VIT: variants seen among roughly 807,000 people sequenced by gnomAD.
VIT encodes vitrin.
VIT carries 99 observed loss-of-function variants against 78.0 expected under a neutral mutation model. The ratio of observed to expected loss-of-function variants is 1.27; its 90% CI spans 1.08 to 1.50. The LOEUF (loss-of-function observed/expected upper bound fraction) is 1.50. Ranked by LOEUF, VIT falls within the 40% of genes most tolerant of loss-of-function variation. The pLI, the probability that VIT is intolerant of heterozygous loss-of-function variation, is 0.00. For synonymous variants in VIT, 374 were observed against 334.3 expected, an observed-to-expected ratio of 1.12 and a Z score of -1.29; for missense variants, 1,126 against 875.3, an observed-to-expected ratio of 1.29 and a Z score of -3.61.
intron 1 of VIT, among the ~76,000 whole-genome samples, chr2:36,712,836 A>G (rs1665890828): frequency 6.6e-6 from 1 of 152,278 alleles, no homozygotes; most frequent in East Asian, 1.9e-4. Flanking sequence ...CTCCGTCTCA[A>G]TCAATCAATC....
At chr2:36,801,614 C>T (rs1332414992) in intron 13 of VIT, among the ~76,000 whole-genome samples, 1 of 152,080 alleles carries the variant, frequency 6.6e-6, no homozygotes, top group Admixed American at 6.6e-5. Context: ...TCAAGATCAG[C>T]CTGGCCAGCA....
intron 2 of VIT, among the ~76,000 whole-genome samples, chr2:36,718,072 T>C (rs892573439): frequency 4.6e-5 from 7 of 152,204 alleles, no homozygotes; most frequent in Admixed American, 2.6e-4. Context: ...CTTTTTATAA[T>C]GACATCAGTC....
At chr2:36,751,009 C>G (rs959021475) in intron 4 of VIT, among the ~76,000 whole-genome samples, 1 of 152,280 alleles carries the variant, frequency 6.6e-6, no homozygotes, top group Admixed American at 6.5e-5. Context: ...CCCGTAATCC[C>G]AACACTTTGG....
chr2:36,713,219 A>G (rs2148440643), intron 1 of VIT, among the ~76,000 whole-genome samples: 1 of 152,332 alleles, frequency 6.6e-6, no homozygotes, highest in East Asian at 1.9e-4. Flanking sequence ...ACATTTAAGC[A>G]AAGATTTGAA....
intron 4 of VIT, among the ~76,000 whole-genome samples, chr2:36,746,929 T>C (rs145927708): frequency 2.1e-3 from 327 of 152,262 alleles, no homozygotes; most frequent in African/African-American, 7.5e-3. Flanking sequence ...CTTCTTGATA[T>C]AGGCATTTTG....
chr2:36,808,440 C>A (rs745672377), intron 14 of VIT, 32 bp from the exon 15 acceptor site: 1 of 1,570,404 alleles, frequency 6.4e-7, no homozygotes, highest in East Asian at 2.3e-5. Context: ...TTGACCCTGA[C>A]GTGGCGTGGG....
chr2:36,787,817 C>T (rs1455985798), intron 12 of VIT: 1 of 456,118 alleles, frequency 2.2e-6, no homozygotes, highest in Non-Finnish European at 4.4e-6. Flanking sequence ...GAAAAACTCA[C>T]CAGGCAATGG....
intron 13 of VIT, 64 bp from the exon 14 acceptor site, chr2:36,805,374 T>G: frequency 6.7e-7 from 1 of 1,502,282 alleles, no homozygotes. Context: ...TGTGCTGCTG[T>G]GATCTCTTCC....
At chr2:36,772,428 C>T (rs563681491) in intron 7 of VIT, among the ~76,000 whole-genome samples, 14 of 152,142 alleles carry the variant, frequency 9.2e-5, no homozygotes, top group Middle Eastern at 6.8e-3. Context: ...CCCAGCTACT[C>T]GGGAGGCTGA....
At chr2:36,769,174 C>G (rs1344814535) in intron 7 of VIT, among the ~76,000 whole-genome samples, 1 of 152,130 alleles carries the variant, frequency 6.6e-6, no homozygotes, top group Non-Finnish European at 1.5e-5. Context: ...ACTTCAGATG[C>G]CTTGATTCTT....
In VIT at chr2:36,717,334, A is replaced by G. The variant is rs867621863; in HGVS notation, c.52+912A>G. 5.8e-3 allele frequency among the ~76,000 whole-genome samples: 375 copies of G among 64,110 alleles called. 3 individuals are homozygous for G. The highest frequency in any genetic ancestry group is 0.017 in the African/African-American group (362 of 21,102). 42.1% of individuals were successfully genotyped at this position (64,110 alleles called of 152,430 possible). On this transcript the variant is annotated intron_variant, in intron 2 of 15. Transcript: ENST00000379242. ...AGGCTCCCACCACCACGCCTGGCTA[A>G]TGTGTGTGTGTGTGTGTGTGTGTGT...
At chr2:36,708,584 G>A (rs1203304098) in intron 1 of VIT, among the ~76,000 whole-genome samples, 1 of 152,132 alleles carries the variant, frequency 6.6e-6, no homozygotes, top group African/African-American at 2.4e-5. Flanking sequence ...TGACATTCAA[G>A]GCTGACATGG....
At chr2:36,784,461 T>C (rs1664961786) in intron 11 of VIT, among the ~76,000 whole-genome samples, 1 of 152,212 alleles carries the variant, frequency 6.6e-6, no homozygotes, top group Non-Finnish European at 1.5e-5. Flanking sequence ...CAGTGATTGA[T>C]TCCTTTGCAC....
Position 36,781,778 on chromosome 2 carries a change from A to G in VIT, c.847+7A>G. The G allele has an allele frequency of 1.2e-6, 2 of 1,614,156 alleles. No individual in the cohort carries two copies. The highest frequency in any genetic ancestry group is 3.3e-4 in the Middle Eastern group (2 of 6,062). On this transcript the variant is annotated splice_region_variant and intron_variant, in intron 10 of 15. Coordinates refer to ENST00000379242, the MANE Select transcript of VIT (RefSeq NM_053276.4). ...TCGGTCCTTTTAGATGAAGGTAATT[A>G]TACAGCCCAACCTCTCAGCCACGCG...
At chr2:36,699,527 T>TATATATAC (rs1664892678) in intron 1 of VIT, among the ~76,000 whole-genome samples, 1 of 151,682 alleles carries the variant, frequency 6.6e-6, no homozygotes, top group South Asian at 2.1e-4. Flanking sequence ...TATATATATA[T>TATATATAC]ATACACACAC....
chr2:36,774,249 C>T (rs1669924152), intron 8 of VIT, among the ~76,000 whole-genome samples: 1 of 125,578 alleles, frequency 8.0e-6, no homozygotes, highest in South Asian at 2.6e-4. Context: ...AATTCTATGC[C>T]ACGGGGGACA....
At chr2:36,744,806 G>A (rs1180181503) in intron 4 of VIT, among the ~76,000 whole-genome samples, 1 of 152,046 alleles carries the variant, frequency 6.6e-6, no homozygotes, top group Non-Finnish European at 1.5e-5. Flanking sequence ...GCTGTGCAGA[G>A]CTCTTTAGTT....
intron 1 of VIT, among the ~76,000 whole-genome samples, chr2:36,708,392 G>A (rs1640563000): frequency 6.6e-6 from 1 of 152,178 alleles, no homozygotes; most frequent in South Asian, 2.1e-4. Context: ...ATGTAGCATT[G>A]TAGATCAGAC....
chr2:36,708,269 G>T (rs1338821913), intron 1 of VIT, among the ~76,000 whole-genome samples: 1 of 152,150 alleles, frequency 6.6e-6, no homozygotes, highest in Non-Finnish European at 1.5e-5. Context: ...GTCCCCAAGG[G>T]ATTTTTGGCA....
Sources: gnomAD v4.1 joint callset for allele counts (sites outside exome capture counted in the v4.1 genomes callset) on GRCh38, gnomAD v4.1.1 for gene constraint, MANE v1.5 for transcripts, NCBI Gene and HGNC (gene_info 2026-07-23, HGNC 2026-07-21) for gene names.